PPP2R3B: variants seen among roughly 807,000 people sequenced by gnomAD.
PPP2R3B encodes serine/threonine-protein phosphatase 2A regulatory subunit B'' subunit beta.
Under a neutral mutation model 72.9 loss-of-function variants are expected in PPP2R3B, and 68 were observed. The observed-to-expected ratio is 0.93, with a 90% CI of 0.77 to 1.14. PPP2R3B has a LOEUF of 1.14. Among genes scored for constraint, PPP2R3B ranks in the 50% most tolerant of loss-of-function variants. PPP2R3B has a pLI of 0.00. For missense variants in PPP2R3B, 1,018 were observed against 842.0 expected, an observed-to-expected ratio of 1.21 and a Z score of -2.59; for synonymous variants, 466 against 375.8, an observed-to-expected ratio of 1.24 and a Z score of -2.78.
chrX:371,438 G>C (rs2071861459), intron 1 of PPP2R3B, among the ~76,000 whole-genome samples: 1 of 152,160 alleles, frequency 6.6e-6, no homozygotes, highest in Non-Finnish European at 1.5e-5. Flanking sequence ...GTGGGCAGTG[G>C]CAGGGAGGAG....
intron 1 of PPP2R3B, among the ~76,000 whole-genome samples, chrX:377,588 T>C (rs762326282): frequency 7.8e-6 from 1 of 128,854 alleles, no homozygotes; most frequent in Non-Finnish European, 1.7e-5. Flanking sequence ...TATACACTAC[T>C]GTGTACAGGG....
At chrX:341,580 TC>T (rs1447921910) in intron 8 of PPP2R3B, 184 bp from the exon 9 acceptor site, 8 of 687,760 alleles carry the variant, frequency 1.2e-5, no homozygotes, top group Non-Finnish European at 1.8e-5. Flanking sequence ...CAGAGGGTTT[TC>T]CCCAGATCCA....
intron 5 of PPP2R3B, 65 bp from the exon 6 acceptor site, chrX:346,325 A>AGGGGCG (rs1380944640): frequency 6.7e-7 from 1 of 1,481,790 alleles, no homozygotes; most frequent in African/African-American, 1.4e-5. Flanking sequence ...CCGCACGGAG[A>AGGGGCG]CCGGGAGCCG....
intron 1 of PPP2R3B, among the ~76,000 whole-genome samples, chrX:376,274 T>C (rs2071991004): frequency 6.9e-6 from 1 of 145,106 alleles, no homozygotes; most frequent in African/African-American, 2.4e-5. Context: ...ATTTAGACTC[T>C]GACCTGGAGC....
At chrX:377,743 A>G (rs367752368) in intron 1 of PPP2R3B, among the ~76,000 whole-genome samples, 23 of 95,682 alleles carry the variant, frequency 2.4e-4, no homozygotes, top group African/African-American at 5.1e-4. Context: ...CAGTGGGGCC[A>G]CCATGGGGCT....
chrX:334,306 C>A lies in PPP2R3B; in HGVS notation c.*61G>T. Reference sequence around the variant, plus strand: ...TTTCCACAACAGTTTTTACACGAGCCGCGGTGGCCCGGTGGTGGCACGTGG... The same window carrying A: ...TTTCCACAACAGTTTTTACACGAGCAGCGGTGGCCCGGTGGTGGCACGTGG... On this transcript the variant is annotated 3_prime_UTR_variant, in exon 13 of 13. Coordinates refer to ENST00000390665, the MANE Select transcript of PPP2R3B (RefSeq NM_013239.5). The A allele has an allele frequency of 1.4e-6, 2 of 1,418,406 alleles. No homozygotes were observed. Among genetic ancestry groups the A allele is most frequent in the Non-Finnish European group, 9.2e-7 (1 of 1,087,926 alleles). The allele number at this position is 1,418,406 out of a possible 1,614,324, so 87.9% of individuals were successfully genotyped here.
chrX:359,630 C>T (rs1427402907), intron 2 of PPP2R3B, among the ~76,000 whole-genome samples: 2 of 152,178 alleles, frequency 1.3e-5, no homozygotes, highest in East Asian at 3.8e-4. Context: ...CCTTTCATGG[C>T]CCCACACTGC....
intron 7 of PPP2R3B, among the ~76,000 whole-genome samples, chrX:344,089 C>CT (rs2071138814): frequency 4.2e-5 from 1 of 23,870 alleles, no homozygotes; most frequent in Non-Finnish European, 8.4e-5. Flanking sequence ...GGAGGGAGAC[C>CT]TCACCAACGG....
chrX:341,652 C>A (rs774428113), intron 8 of PPP2R3B: 2 of 650,658 alleles, frequency 3.1e-6, no homozygotes, highest in Non-Finnish European at 5.4e-6. Context: ...GACAAGAACC[C>A]CCGACCTGGG....
chrX:373,022 C>T (rs905634867), intron 1 of PPP2R3B, among the ~76,000 whole-genome samples: 1 of 152,148 alleles, frequency 6.6e-6, no homozygotes, highest in African/African-American at 2.4e-5. Flanking sequence ...ATATCTCAAC[C>T]GACTCTTAAG....
intron 7 of PPP2R3B, among the ~76,000 whole-genome samples, chrX:344,197 C>G: frequency 1.1e-5 from 1 of 91,708 alleles, no homozygotes; most frequent in Non-Finnish European, 2.5e-5. Context: ...GGAGTGAGAC[C>G]TCAGCAACGG....
chrX:338,714 G>C lies in PPP2R3B; in HGVS notation c.1471-4C>G, dbSNP rs371645898. ...CGGGGCCGCCGCTGTCACCGTCCTG[G>C]AGGAAGCACACGGGTTACGTACACG... On this transcript the variant is annotated splice_polypyrimidine_tract_variant and splice_region_variant and intron_variant, in intron 11 of 12. Transcript: ENST00000390665. The C allele has an allele frequency of 6.2e-6, 10 of 1,611,766 alleles. No homozygotes were observed. The highest frequency in any genetic ancestry group is 1.3e-5 in the African/African-American group (1 of 75,010).
At chrX:363,469 A>ATGCATCTCCCCGTGCCCGCAATCCCACAG (rs2071595959) in intron 1 of PPP2R3B, among the ~76,000 whole-genome samples, 1 of 5,528 alleles carries the variant, frequency 1.8e-4, no homozygotes, top group Admixed American at 2.6e-3. Context: ...CCATCCCACA[A>ATGCATCTCCCCGTGCCCGCAATCCCACAG]TGCATCTCCC....
intron 1 of PPP2R3B, among the ~76,000 whole-genome samples, chrX:364,301 C>G (rs952314548): frequency 6.6e-6 from 1 of 152,090 alleles, no homozygotes; most frequent in Non-Finnish European, 1.5e-5. Context: ...GGGGGGAGTT[C>G]TCCCCCGAGA....
intron 2 of PPP2R3B, among the ~76,000 whole-genome samples, chrX:353,842 C>T (rs1255254962): frequency 7.8e-6 from 1 of 128,662 alleles, no homozygotes; most frequent in Non-Finnish European, 1.7e-5. Context: ...AAGACCGGGG[C>T]TCGCCCAGGG....
At chrX:367,228 T>C (rs1223118647) in intron 1 of PPP2R3B, among the ~76,000 whole-genome samples, 3 of 151,836 alleles carry the variant, frequency 2.0e-5, no homozygotes, top group Non-Finnish European at 2.9e-5. Context: ...CCTCGGCAGC[T>C]GACCACATAA....
Position 347,702 on chromosome X carries a change from G to A in PPP2R3B, c.511-9C>T. The A allele has an allele frequency of 6.6e-7, 1 of 1,517,240 alleles. No individual in the cohort carries two copies. Among genetic ancestry groups the A allele is most frequent in the Non-Finnish European group, 8.8e-7 (1 of 1,135,306 alleles). 94.0% of individuals were successfully genotyped at this position (1,517,240 alleles called of 1,614,324 possible). On this transcript the variant is annotated splice_polypyrimidine_tract_variant and intron_variant, in intron 2 of 12. Coordinates refer to ENST00000390665, the MANE Select transcript of PPP2R3B (RefSeq NM_013239.5). ...AGGGGGCAGCCGCAGGCCTGGGGCA[G>A]AGAGGGCAGGAGTGGGCAGTCAGCA...
intron 6 of PPP2R3B, 113 bp from the exon 7 acceptor site, chrX:345,785 G>T (rs1328491504): frequency 2.4e-5 from 27 of 1,115,192 alleles, no homozygotes; most frequent in African/African-American, 3.4e-5. Context: ...CTCCGTGGGT[G>T]GGGGGGACTG....
chrX:376,430 CAGAGCCCCCAT>C (rs201418671), intron 1 of PPP2R3B, among the ~76,000 whole-genome samples: 21,689 of 146,646 alleles, frequency 0.15, 2,278 homozygotes, highest in African/African-American at 0.29. Context: ...CCACACTCGA[CAGAGCCCCCAT>C]GGGGCCATCC....
Sources: allele counts gnomAD v4.1 joint callset (sites outside exome capture counted in the v4.1 genomes callset), GRCh38; gene constraint gnomAD v4.1.1; transcripts MANE v1.5; gene names NCBI Gene and HGNC (gene_info 2026-07-23, HGNC 2026-07-21).